Variants in TMEM235 observed in about 807,000 individuals in gnomAD.
The protein encoded by TMEM235 is transmembrane protein 235.
Under a neutral mutation model 22.9 loss-of-function variants are expected in TMEM235, and 23 were observed. The ratio of observed to expected loss-of-function variants is 1.00; its 90% confidence interval spans 0.72 to 1.42. The LOEUF (loss-of-function observed/expected upper bound fraction) is 1.42. Ranked by LOEUF, TMEM235 falls within the 40% of genes most tolerant of loss-of-function variation. TMEM235 has a pLI of 0.00. For missense variants in TMEM235, 308 were observed against 299.5 expected (o/e 1.03, Z -0.21); for synonymous variants, 137 against 140.5 (o/e 0.98, Z 0.17).
rs2076663354 is a variant in TMEM235 at position 78,238,029 on chromosome 17, C to T, written c.410-995C>T. Among the ~76,000 whole-genome samples, 2 of 152,170 alleles carry T rather than the reference C, an allele frequency of 1.3e-5. No homozygotes were observed. The highest frequency in any genetic ancestry group is 2.4e-5 in the African/African-American group (1 of 41,422). On this transcript the variant is annotated intron_variant, in intron 4 of 5. Coordinates refer to ENST00000421688, the Ensembl canonical transcript of TMEM235. The surrounding 1 kb of genome is among the most constrained non-coding windows in gnomAD (Gnocchi z 4.3). Reference sequence around the variant, plus strand: ...GGCAGTGCCCAGAGGGGACCCTGTGCACCCAGGAAGTGCCTGTGGGGAAAT... The same window carrying T: ...GGCAGTGCCCAGAGGGGACCCTGTGTACCCAGGAAGTGCCTGTGGGGAAAT...
intron 2 of TMEM235, among the ~76,000 whole-genome samples, 200 bp from the exon 2 acceptor site, chr17:78,233,695 C>CAA (rs779888336): frequency 4.5e-4 from 58 of 129,350 alleles, no homozygotes; most frequent in African/African-American, 1.1e-3. Context: ...GACTCCATCT[C>CAA]AAAAAAAAAA....
chr17:78,234,394 G>A, intron 3 of TMEM235, 199 bp from the exon 3 acceptor site: 1 of 810,804 alleles, frequency 1.2e-6, no homozygotes, highest in East Asian at 2.7e-5. Context: ...GGAGTGTTCT[G>A]GGGACGCCTC....
rs1301953557 is a variant in TMEM235 at position 78,238,045 on chromosome 17, G to T, written c.410-979G>T. Among the ~76,000 whole-genome samples the T allele has an allele frequency of 6.6e-6, 1 of 152,040 alleles. No individual in the cohort carries two copies. The highest frequency in any genetic ancestry group is 1.5e-5 in the Non-Finnish European group (1 of 68,008). ...GACCCTGTGCACCCAGGAAGTGCCTGTGGGGAAATCAGGGCCACCTGCCCC... is the reference window on the plus strand; with the variant it reads ...GACCCTGTGCACCCAGGAAGTGCCTTTGGGGAAATCAGGGCCACCTGCCCC... On this transcript the variant is annotated intron_variant, in intron 4 of 5. Transcript: ENST00000421688. This position sits in a 1 kb window ranked among gnomAD's most constrained non-coding sequence, Gnocchi z 4.3.
In TMEM235 at chr17:78,237,078, G is replaced by A. The variant is rs867274556; in HGVS notation, c.410-1946G>A. ...GCCTGGGAGCGAAGGCACCGGCTAG[G>A]GGGTGGAGGGGCCGGAGGTAGCTGG... On this transcript the variant is annotated intron_variant, in intron 4 of 5. Coordinates refer to ENST00000421688, the Ensembl canonical transcript of TMEM235. This position sits in a 1 kb window ranked among gnomAD's most constrained non-coding sequence, Gnocchi z 4.7. Among the ~76,000 whole-genome samples the A allele has an allele frequency of 1.3e-5, 2 of 152,184 alleles. No individual in the cohort carries two copies. The highest frequency in any genetic ancestry group is 6.5e-5 in the Admixed American group (1 of 15,280).
chr17:78,240,160 C>A, exon 6 of TMEM235: 1 of 965,774 alleles, frequency 1.0e-6, no homozygotes, highest in Non-Finnish European at 1.4e-6. Flanking sequence ...ACTGTGAGTG[C>A]CCTGGTGGGC....
intron 3 of TMEM235, 131 bp downstream of exon 2, chr17:78,234,106 A>C (rs1403648475): frequency 1.2e-6 from 1 of 829,856 alleles, no homozygotes. Context: ...GTTTCCACGC[A>C]GACCTGTCCC....
intron 3 of TMEM235, 187 bp from the exon 3 acceptor site, chr17:78,234,406 C>T (rs1313101412): frequency 4.5e-6 from 4 of 884,636 alleles, no homozygotes; most frequent in Admixed American, 4.0e-5. Flanking sequence ...GGACGCCTCC[C>T]CTCCTGGCCT....
rs532980563 is a variant in TMEM235, at chr17:78,239,958, G to C, written c.*166G>C. 1,108 of 1,548,852 alleles carry C rather than the reference G, an allele frequency of 7.2e-4. 17 individuals carry two copies. In the South Asian group the frequency reaches 0.012, roughly 17 times the overall value. On this transcript the variant is annotated 3_prime_UTR_variant, in exon 6 of 6. Coordinates refer to ENST00000421688, the Ensembl canonical transcript of TMEM235. ...GAGAGCCCCTCCGATTTGCAGGGGT[G>C]GGGGGCAAGGAGCTGAGCGATCCAG...
At position 78,237,419 on chromosome 17, in the gene TMEM235, C is replaced by T. The variant is rs2145924335; in HGVS notation, c.410-1605C>T. On this transcript the variant is annotated intron_variant, in intron 4 of 5. Coordinates refer to ENST00000421688, the Ensembl canonical transcript of TMEM235. This position sits in a 1 kb window ranked among gnomAD's most constrained non-coding sequence, Gnocchi z 4.7. ...GGTTGCAGGTGCCAGCCGCAGAGGC[C>T]TCCTTTAGGAGGTCTGCCAGGAGCT... is the stretch of plus-strand genomic sequence containing the variant. Among the ~76,000 whole-genome samples, 1 of 152,308 alleles carries T rather than the reference C, an allele frequency of 6.6e-6. No homozygotes were observed. Among genetic ancestry groups the T allele is most frequent in the Admixed American group, 6.5e-5 (1 of 15,308 alleles).
intron 4 of TMEM235, among the ~76,000 whole-genome samples, chr17:78,235,204 T>C (rs1202397258): frequency 2.0e-5 from 3 of 151,880 alleles, no homozygotes; most frequent in Non-Finnish European, 4.4e-5. Context: ...CTCAGGAAAA[T>C]GACAATCACA....
exon 2 of TMEM235, chr17:78,231,850 C>T: frequency 8.6e-7 from 1 of 1,169,274 alleles, no homozygotes; most frequent in African/African-American, 1.7e-5. Flanking sequence ...GATCTCCCTG[C>T]GACCCCAGGG....
At chr17:78,233,835 G>A in intron 2 of TMEM235, 60 bp from the exon 2 acceptor site, 1 of 1,499,980 alleles carries the variant, frequency 6.7e-7, no homozygotes, top group Non-Finnish European at 9.0e-7. Flanking sequence ...CTGGGCTCGG[G>A]TAGGCTGCTG....
exon 3 of TMEM235, chr17:78,233,924 C>T: frequency 6.5e-7 from 1 of 1,535,798 alleles, no homozygotes; most frequent in Non-Finnish European, 8.7e-7. Flanking sequence ...GCTGGTCGAC[C>T]CTTTTGCCAG....
exon 2 of TMEM235, chr17:78,231,936 C>G: frequency 1.0e-6 from 1 of 1,002,746 alleles, no homozygotes; most frequent in Non-Finnish European, 1.2e-6. Flanking sequence ...CCGCCCGCCC[C>G]CCGTCCCCCG....
chr17:78,232,190 C>T, exon 2 of TMEM235: 4 of 1,489,276 alleles, frequency 2.7e-6, no homozygotes, highest in Non-Finnish European at 3.6e-6. Flanking sequence ...TCCTCGCACT[C>T]GGGGCTCTGG....
At chr17:78,234,037 G>GCCATCC (rs990385285) in intron 3 of TMEM235, 62 bp downstream of exon 2, 11 of 1,396,574 alleles carry the variant, frequency 7.9e-6, no homozygotes, top group East Asian at 2.5e-5. Flanking sequence ...GCAGATCCCA[G>GCCATCC]CCATCCCCAT....
At chr17:78,231,713 C>G (rs927632661) in exon 2 of TMEM235, 3 of 1,270,384 alleles carry the variant, frequency 2.4e-6, no homozygotes, top group Non-Finnish European at 3.1e-6. Flanking sequence ...AGGAACGTGC[C>G]CAGGGACCCG....
rs1025149535 is a variant in TMEM235, at chr17:78,237,037, G to A, written c.410-1987G>A. On this transcript the variant is annotated intron_variant, in intron 4 of 5. Transcript: ENST00000421688. This position sits in a 1 kb window ranked among gnomAD's most constrained non-coding sequence, Gnocchi z 4.7. ...TAACCAGAAGAACTTACAGGGACAC[G>A]GACCCTCTGCATTGTGCCTGGGAGC... is the stretch of plus-strand genomic sequence containing the variant. Among the ~76,000 whole-genome samples the A allele has an allele frequency of 3.3e-5, 5 of 152,166 alleles. No individual in the cohort carries two copies. In the East Asian group the frequency reaches 5.8e-4, roughly 18 times the overall value.
Position 78,233,882 on chromosome 17 carries a change from CTA to C in TMEM235, c.191-11_191-10del, listed in dbSNP as rs1387724989. ...GCGTCCAGGCCCCAGGCTTCGAGGC[CTA>C]TGTTTCCCAGGGCAGAACGGCTGCA... On this transcript the variant is annotated splice_polypyrimidine_tract_variant and intron_variant, in intron 2 of 5. Transcript: ENST00000421688. 3.3e-6 allele frequency: 5 copies of C among 1,535,840 alleles called. No individual in the cohort carries two copies. Among genetic ancestry groups the C allele is most frequent in the East Asian group, 2.4e-5 (1 of 40,904 alleles).
Sources: gnomAD v4.1 joint callset for allele counts (sites outside exome capture counted in the v4.1 genomes callset) on GRCh38, gnomAD v4.1.1 for gene constraint, Gnocchi (gnomAD v3.1) non-coding constraint, MANE v1.5 for transcripts, NCBI Gene and HGNC (gene_info 2026-07-23, HGNC 2026-07-21) for gene names.